Variants in KCNQ5 observed in about 807,000 individuals in gnomAD.
The protein encoded by KCNQ5 is potassium voltage-gated channel subfamily KQT member 5.
Under a neutral mutation model 98.2 loss-of-function variants are expected in KCNQ5, and 30 were observed. That is an observed-to-expected ratio of 0.31 (90% CI 0.23 to 0.41). The LOEUF is 0.41. Among genes scored for constraint, KCNQ5 ranks in the 10% least tolerant of loss-of-function variants. The pLI is 1.00. For synonymous variants in KCNQ5, 458 were observed against 449.4 expected (o/e 1.02, Z -0.24); for missense variants, 835 against 1,182.5 (o/e 0.71, Z 4.31).
intron 1 of KCNQ5, among the ~76,000 whole-genome samples, chr6:72,856,772 T>C (rs1264397831): frequency 6.6e-6 from 1 of 152,184 alleles, no homozygotes; most frequent in Non-Finnish European, 1.5e-5. Flanking sequence ...GTGCCCAGGA[T>C]CTAGACCGTT....
At chr6:73,064,981 G>A (rs927184054) in intron 3 of KCNQ5, among the ~76,000 whole-genome samples, 2 of 150,614 alleles carry the variant, frequency 1.3e-5, no homozygotes, top group African/African-American at 4.9e-5. Flanking sequence ...TTAAATGTTT[G>A]TGATCACACT....
At chr6:72,921,306 C>G (rs909972380) in intron 1 of KCNQ5, among the ~76,000 whole-genome samples, 1 of 152,080 alleles carries the variant, frequency 6.6e-6, no homozygotes, top group African/African-American at 2.4e-5. Flanking sequence ...ACCAGATGTT[C>G]AAAATATATG....
chr6:72,655,026 GTCTTTCTTTCTTTCTTTCTTTCTTTCTT>G (rs55711635), intron 1 of KCNQ5, among the ~76,000 whole-genome samples: 11 of 105,822 alleles, frequency 1.0e-4, no homozygotes, highest in African/African-American at 2.0e-4. Flanking sequence ...AGGTCTGTCT[GTCTTTCTTTCTTTCTTTCTTTCTTTCTT>G]TCTTTCTTTC....
intron 1 of KCNQ5, among the ~76,000 whole-genome samples, chr6:72,956,780 T>C (rs980601234): frequency 6.6e-6 from 1 of 152,066 alleles, no homozygotes; most frequent in Non-Finnish European, 1.5e-5. Context: ...GATACTCTTG[T>C]TGGAGGAGAA....
In KCNQ5 at chr6:73,045,131, C is replaced by G. The variant is rs889722123; in HGVS notation, c.616+3069C>G. Among the ~76,000 whole-genome samples, 11 of 152,112 alleles carry G rather than the reference C, an allele frequency of 7.2e-5. No homozygotes were observed. In the South Asian group the frequency reaches 8.3e-4, roughly 11 times the overall value. Reference sequence around the variant, plus strand: ...AATTACTGAAGGTTTTAGCATGTCCCCTTCTGAACTGCCCACCTTCCTTAC... The same window carrying G: ...AATTACTGAAGGTTTTAGCATGTCCGCTTCTGAACTGCCCACCTTCCTTAC... On this transcript the variant is annotated intron_variant, in intron 3 of 13. Coordinates refer to ENST00000370398, the MANE Select transcript of KCNQ5 (RefSeq NM_019842.4).
intron 1 of KCNQ5, among the ~76,000 whole-genome samples, chr6:72,782,538 TTG>T (rs1773540167): frequency 1.3e-5 from 2 of 152,202 alleles, no homozygotes; most frequent in African/African-American, 4.8e-5. Flanking sequence ...GGTTGTTGTT[TTG>T]ATGAATTAAT....
At chr6:72,825,774 C>T (rs1463550353) in intron 1 of KCNQ5, among the ~76,000 whole-genome samples, 1 of 152,114 alleles carries the variant, frequency 6.6e-6, no homozygotes, top group Non-Finnish European at 1.5e-5. Flanking sequence ...TCTACCCACA[C>T]TAGCACATGG....
intron 1 of KCNQ5, among the ~76,000 whole-genome samples, chr6:72,759,953 A>T (rs994744402): frequency 6.6e-6 from 1 of 152,080 alleles, no homozygotes; most frequent in African/African-American, 2.4e-5. Flanking sequence ...AAAAGGAAGA[A>T]AATAGATAAG....
At chr6:72,962,236 T>C (rs75952807) in intron 1 of KCNQ5, among the ~76,000 whole-genome samples, 7,899 of 143,748 alleles carry the variant, frequency 0.055, 754 homozygotes, top group African/African-American at 0.19. Context: ...TATATATATA[T>C]ACACATATAT....
At chr6:73,050,038 C>G (rs1236385261) in intron 3 of KCNQ5, among the ~76,000 whole-genome samples, 1 of 151,756 alleles carries the variant, frequency 6.6e-6, no homozygotes, top group Non-Finnish European at 1.5e-5. Context: ...AAAAAACAAA[C>G]AAAAACAAAA....
At chr6:72,874,065 CTGA>C (rs1315098121) in intron 1 of KCNQ5, among the ~76,000 whole-genome samples, 1 of 151,608 alleles carries the variant, frequency 6.6e-6, no homozygotes, top group Non-Finnish European at 1.5e-5. Context: ...TAAAATCCAG[CTGA>C]TATTATATTT....
At chr6:72,999,523 A>G (rs1769463261) in intron 1 of KCNQ5, among the ~76,000 whole-genome samples, 1 of 152,198 alleles carries the variant, frequency 6.6e-6, no homozygotes, top group Non-Finnish European at 1.5e-5. Flanking sequence ...ACATTCATAT[A>G]TTTTAAACTC....
At chr6:72,994,865 C>T (rs529231822) in intron 1 of KCNQ5, among the ~76,000 whole-genome samples, 3 of 152,100 alleles carry the variant, frequency 2.0e-5, no homozygotes, top group East Asian at 1.9e-4. Context: ...AATAGTTTCT[C>T]ATAATATTTT....
intron 7 of KCNQ5, among the ~76,000 whole-genome samples, chr6:73,113,126 A>G (rs1775321364): frequency 6.6e-6 from 1 of 152,208 alleles, no homozygotes; most frequent in Admixed American, 6.5e-5. Flanking sequence ...AAATACCCCA[A>G]GGTCCAGAAT....
chr6:73,026,796 A>G (rs1309054972), intron 2 of KCNQ5, among the ~76,000 whole-genome samples: 1 of 152,108 alleles, frequency 6.6e-6, no homozygotes, highest in East Asian at 1.9e-4. Context: ...ATATTAATTC[A>G]TTTAAAGTCT....
intron 1 of KCNQ5, among the ~76,000 whole-genome samples, chr6:72,662,584 T>C (rs1766585976): frequency 6.8e-6 from 1 of 147,676 alleles, no homozygotes; most frequent in South Asian, 2.3e-4. Context: ...CATCAAAAAC[T>C]CAGGTTAACT....
intron 7 of KCNQ5, among the ~76,000 whole-genome samples, chr6:73,119,195 G>A (rs1775643574): frequency 6.6e-6 from 1 of 152,148 alleles, no homozygotes; most frequent in Non-Finnish European, 1.5e-5. Context: ...GGAAAGTAAG[G>A]TCGGGCAATC....
At chr6:72,845,234 C>A (rs543794288) in intron 1 of KCNQ5, among the ~76,000 whole-genome samples, 2 of 152,016 alleles carry the variant, frequency 1.3e-5, no homozygotes, top group Non-Finnish European at 2.9e-5. Flanking sequence ...AAAGAATGAC[C>A]GTAAGCATTG....
Position 73,143,445 on chromosome 6 carries a change from G to T in KCNQ5, c.1468+9804G>T, listed in dbSNP as rs190139410. ...CCTTACCCTAGTTTCACGTCTCTTT[G>T]ATACCGAGAAAAGTGCTACCCGCTG... On this transcript the variant is annotated intron_variant, in intron 10 of 13. Coordinates refer to ENST00000370398, the MANE Select transcript of KCNQ5 (RefSeq NM_019842.4). 27 of 152,270 alleles carry T rather than the reference G, an allele frequency of 1.8e-4. 1 individual carries two copies. The East Asian group carries it at 4.8e-3, about 27-fold the overall frequency. The allele number at this position is 152,270 out of a possible 1,614,324, so 9.4% of individuals were successfully genotyped here.
Sources: gnomAD v4.1 joint callset for allele counts (sites outside exome capture counted in the v4.1 genomes callset) on GRCh38, gnomAD v4.1.1 for gene constraint, MANE v1.5 for transcripts, NCBI Gene and HGNC (gene_info 2026-07-23, HGNC 2026-07-21) for gene names.